The following GUCY2C variants were observed in gnomAD, a reference collection of about 807,000 sequenced individuals.
The protein encoded by GUCY2C is guanylate cyclase 2C.
A neutral mutation model predicts 131.1 loss-of-function variants in GUCY2C; 118 were observed. The ratio of observed to expected loss-of-function variants is 0.90; its 90% CI spans 0.78 to 1.05. The LOEUF (loss-of-function observed/expected upper bound fraction) is 1.05. Ranked by LOEUF, GUCY2C falls within the 50% of genes least tolerant of loss-of-function variation. GUCY2C has a pLI of 0.00. For synonymous variants in GUCY2C, 452 were observed against 457.8 expected (o/e 0.99, Z 0.16); for missense variants, 1,161 against 1,304.4 (o/e 0.89, Z 1.69).
chr12:14,696,423 G>A lies in GUCY2C; in HGVS notation c.26C>T (p.Ala9Val). The part of the protein sequence containing the change: MKTLLLDL[A>V]LWSLLFQPGW... The stretch of plus-strand genomic sequence containing the variant: ...GGGCTGGAAGAGCAGTGACCACAAA[G>A]CCAAGTCCAACAGCAACGTCTTCAT... Residue 9 changes from alanine to valine, a missense_variant, in exon 1 of 27, where the codon GCT becomes GTT. Transcript: ENST00000261170. 1 of 1,613,948 alleles carries A rather than the reference G, an allele frequency of 6.2e-7. No individual in the cohort carries two copies. The highest frequency in any genetic ancestry group is 8.5e-7 in the Non-Finnish European group (1 of 1,179,930).
intron 12 of GUCY2C, among the ~76,000 whole-genome samples, chr12:14,654,779 C>A (rs747082734): frequency 1.1e-4 from 16 of 151,996 alleles, no homozygotes; most frequent in Non-Finnish European, 1.8e-4. Context: ...GTGTGGGAGC[C>A]CATCTGGGAG....
At chr12:14,685,978 C>T (rs966866633) in intron 3 of GUCY2C, among the ~76,000 whole-genome samples, 183 bp downstream of exon 3, 1 of 152,166 alleles carries the variant, frequency 6.6e-6, no homozygotes, top group East Asian at 1.9e-4. Flanking sequence ...TGAATGGCTA[C>T]AGACATTCAC....
chr12:14,652,097 G>A, intron 13 of GUCY2C, 67 bp from the exon 14 acceptor site: 2 of 809,066 alleles, frequency 2.5e-6, no homozygotes, highest in Non-Finnish European at 4.2e-6. Flanking sequence ...TATTATAACA[G>A]TTTGTTTGTG....
At chr12:14,689,374 G>C (rs1218965803) in intron 1 of GUCY2C, among the ~76,000 whole-genome samples, 3 of 152,018 alleles carry the variant, frequency 2.0e-5, no homozygotes, top group African/African-American at 7.3e-5. Flanking sequence ...TGGTGATGGA[G>C]GTGGACATGT....
At chr12:14,668,205 C>T (rs1948024732) in intron 10 of GUCY2C, among the ~76,000 whole-genome samples, 1 of 151,820 alleles carries the variant, frequency 6.6e-6, no homozygotes, top group African/African-American at 2.4e-5. Flanking sequence ...GAGTCTTGCT[C>T]TGTTCCCCAG....
intron 15 of GUCY2C, among the ~76,000 whole-genome samples, chr12:14,649,585 T>C (rs1311748839): frequency 6.6e-6 from 1 of 152,172 alleles, no homozygotes; most frequent in African/African-American, 2.4e-5. Flanking sequence ...TAATTGGATA[T>C]GGTTAATTCT....
chr12:14,647,785 GTAT>G, intron 15 of GUCY2C, among the ~76,000 whole-genome samples: 1 of 151,674 alleles, frequency 6.6e-6, no homozygotes, highest in South Asian at 2.1e-4. Flanking sequence ...TTTTTGAGTT[GTAT>G]TTTCTGACCA....
chr12:14,640,188 C>G (rs1042047995), intron 18 of GUCY2C, among the ~76,000 whole-genome samples: 3 of 152,042 alleles, frequency 2.0e-5, no homozygotes, highest in Non-Finnish European at 4.4e-5. Flanking sequence ...CCAGGTGGGG[C>G]ACAGTGCCTC....
At chr12:14,616,887 A>G (rs1946774680) in intron 24 of GUCY2C, among the ~76,000 whole-genome samples, 160 bp from the exon 25 acceptor site, 1 of 152,180 alleles carries the variant, frequency 6.6e-6, no homozygotes, top group Non-Finnish European at 1.5e-5. Flanking sequence ...AACATCAGAG[A>G]GATAAGAAAT....
At chr12:14,689,070 C>T (rs1948529715) in intron 1 of GUCY2C, among the ~76,000 whole-genome samples, 1 of 152,124 alleles carries the variant, frequency 6.6e-6, no homozygotes, top group Non-Finnish European at 1.5e-5. Flanking sequence ...TCTCTGGATC[C>T]TGATGCAGAG....
chr12:14,685,417 G>T (rs11838189), intron 3 of GUCY2C, among the ~76,000 whole-genome samples: 4,021 of 152,222 alleles, frequency 0.026, 160 homozygotes, highest in African/African-American at 0.093. Flanking sequence ...AAAATCCATT[G>T]CAAGTGATAT....
chr12:14,649,640 T>C (rs371246764), intron 15 of GUCY2C, among the ~76,000 whole-genome samples: 56 of 152,326 alleles, frequency 3.7e-4, no homozygotes, highest in African/African-American at 1.3e-3. Flanking sequence ...CAAAAGGTCA[T>C]AGGAGAAAAA....
intron 20 of GUCY2C, 138 bp from the exon 21 acceptor site, chr12:14,626,053 A>G (rs1947007066): frequency 3.3e-6 from 2 of 609,390 alleles, no homozygotes; most frequent in Admixed American, 3.0e-5. Context: ...AAAAAACTCA[A>G]CCTCATCCGG....
rs561178320 is a variant in GUCY2C, at chr12:14,668,096, T to C, written c.1282+1626A>G. 1.2e-4 allele frequency among the ~76,000 whole-genome samples: 18 copies of C among 149,028 alleles called. No individual in the cohort carries two copies. In the South Asian group the frequency reaches 1.3e-3, roughly 11 times the overall value. On this transcript the variant is annotated intron_variant, in intron 10 of 26. Transcript: ENST00000261170. ...ATGGCTCACTGCAGCCCCAACTTAC[T>C]GGGCTCAAGTGATCCTCCCACCTCA...
At chr12:14,667,793 G>A (rs1334974904) in intron 10 of GUCY2C, among the ~76,000 whole-genome samples, 1 of 152,096 alleles carries the variant, frequency 6.6e-6, no homozygotes, top group Non-Finnish European at 1.5e-5. Context: ...CCATCAGTCA[G>A]AGGACACCAC....
chr12:14,667,819 A>G (rs970100250), intron 10 of GUCY2C, among the ~76,000 whole-genome samples: 1 of 152,156 alleles, frequency 6.6e-6, no homozygotes, highest in Non-Finnish European at 1.5e-5. Context: ...ACAGTTTAAC[A>G]TATTTCTTTC....
At chr12:14,615,605 A>G (rs1946744317) in intron 25 of GUCY2C, among the ~76,000 whole-genome samples, 1 of 149,060 alleles carries the variant, frequency 6.7e-6, no homozygotes, top group Non-Finnish European at 1.5e-5. Context: ...TCTATAATAT[A>G]TATCAATAAT....
chr12:14,656,547 G>C lies in GUCY2C; in HGVS notation c.1435C>G (p.Leu479Val), dbSNP rs769097250. The part of the protein sequence containing the change: ...SHIPPENIFP[L>V]ETNETNHVSL... ...ACATGATTGGTCTCATTGGTCTCCAGAGGAAAGATATTTTCAGGAGGAATG... is the reference window on the plus strand; with the variant it reads ...ACATGATTGGTCTCATTGGTCTCCACAGGAAAGATATTTTCAGGAGGAATG... The change falls in exon 12 of 27, where the codon CTG becomes GTG. Residue 479 changes from leucine to valine, a missense_variant. Leu to Val is a conservative substitution (Grantham distance 32). Coordinates refer to ENST00000261170, the MANE Select transcript of GUCY2C (RefSeq NM_004963.4). The C allele has an allele frequency of 6.2e-7, 1 of 1,601,228 alleles. No individual in the cohort carries two copies. The highest frequency in any genetic ancestry group is 8.6e-7 in the Non-Finnish European group (1 of 1,168,322).
Position 14,620,750 on chromosome 12 carries a change from A to G in GUCY2C, c.2776+292T>C, listed in dbSNP as rs540122111. ...AGGGAATGGGGAGGAAATAAATGAAATCATAGGTATGGTGATTTAAATAGG... is the reference window on the plus strand; with the variant it reads ...AGGGAATGGGGAGGAAATAAATGAAGTCATAGGTATGGTGATTTAAATAGG... On this transcript the variant is annotated intron_variant, in intron 23 of 26. Transcript: ENST00000261170. Among the ~76,000 whole-genome samples the G allele has an allele frequency of 1.9e-4, 29 of 152,258 alleles. No homozygotes were observed. In the East Asian group the frequency reaches 5.2e-3, roughly 27 times the overall value.
Sources: gnomAD v4.1 joint callset for allele counts (sites outside exome capture counted in the v4.1 genomes callset) on GRCh38, gnomAD v4.1.1 for gene constraint, MANE v1.5 for transcripts, NCBI Gene and HGNC (gene_info 2026-07-23, HGNC 2026-07-21) for gene names.